The following LRRC4C variants were observed in gnomAD, a reference collection of about 807,000 sequenced individuals.
The protein encoded by LRRC4C is leucine rich repeat containing 4C, also known as leucine-rich repeat-containing protein 4C.
A neutral mutation model predicts 33.6 loss-of-function variants in LRRC4C; 5 were observed. The observed-to-expected ratio is 0.15, with a 90% CI of 0.08 to 0.31. The LOEUF (loss-of-function observed/expected upper bound fraction) is 0.31. LRRC4C is among the 10% of genes least tolerant of loss of function. The pLI is 1.00. For missense variants in LRRC4C, 560 were observed against 796.7 expected (o/e 0.70, Z 3.58); for synonymous variants, 329 against 302.0 (o/e 1.09, Z -0.93).
intron 2 of LRRC4C, among the ~76,000 whole-genome samples, chr11:40,750,394 A>G (rs1041431252): frequency 2.6e-5 from 4 of 152,110 alleles, no homozygotes; most frequent in Admixed American, 6.6e-5. Context: ...AGACAAGGAC[A>G]CAAAAGAAAA....
chr11:40,295,745 G>A (rs1030706118), intron 4 of LRRC4C, among the ~76,000 whole-genome samples: 2 of 152,114 alleles, frequency 1.3e-5, no homozygotes, highest in African/African-American at 4.8e-5. Flanking sequence ...TTTTTGGAGA[G>A]CTTTGATGTT....
chr11:40,256,553 T>C lies in LRRC4C; in HGVS notation c.-175-14955A>G, dbSNP rs981375827. On this transcript the variant is annotated intron_variant, in intron 4 of 6. Coordinates refer to ENST00000528697, the MANE Select transcript of LRRC4C (RefSeq NM_001258419.2). ...AGACACTCTTAAGTAATTCCACTTG[T>C]ATAAGTGAATGAATGAATGAACCAA... Among the ~76,000 whole-genome samples the C allele has an allele frequency of 2.0e-4, 30 of 152,156 alleles. 1 individual carries two copies. Among genetic ancestry groups the C allele is most frequent in the Non-Finnish European group, 2.1e-4 (14 of 68,030 alleles).
chr11:40,912,278 G>C (rs753886105), intron 2 of LRRC4C, among the ~76,000 whole-genome samples: 2 of 152,140 alleles, frequency 1.3e-5, no homozygotes, highest in South Asian at 2.1e-4. Flanking sequence ...AGGAAAAAAT[G>C]TTAAGGGCAG....
rs566031116 is a variant in LRRC4C at position 40,228,201 on chromosome 11, C to T, written c.-96+13318G>A. Among the ~76,000 whole-genome samples the T allele has an allele frequency of 4.6e-4, 70 of 152,244 alleles. 1 individual carries two copies. The highest frequency in any genetic ancestry group is 2.9e-3 in the South Asian group (14 of 4,822). On this transcript the variant is annotated intron_variant, in intron 5 of 6. Transcript: ENST00000528697. Reference sequence around the variant, plus strand: ...ATTAGCTAGCAGAGAGTTACAGTTACGTAACCCTCAACTAAGCAATGTCAG... The same window carrying T: ...ATTAGCTAGCAGAGAGTTACAGTTATGTAACCCTCAACTAAGCAATGTCAG...
chr11:40,169,616 G>A (rs1287394136), intron 5 of LRRC4C, among the ~76,000 whole-genome samples: 3 of 152,024 alleles, frequency 2.0e-5, no homozygotes, highest in African/African-American at 7.3e-5. Flanking sequence ...TGCTCAAAAT[G>A]CTATGTTTAT....
At chr11:40,336,685 G>A (rs1393099422) in intron 3 of LRRC4C, among the ~76,000 whole-genome samples, 1 of 152,072 alleles carries the variant, frequency 6.6e-6, no homozygotes, top group Non-Finnish European at 1.5e-5. Context: ...ATGCAGAAGA[G>A]CGAATCAGGG....
intron 1 of LRRC4C, among the ~76,000 whole-genome samples, chr11:41,000,834 A>G (rs1409212146): frequency 6.6e-6 from 1 of 152,192 alleles, no homozygotes; most frequent in African/African-American, 2.4e-5. Flanking sequence ...CTTTTGGCAG[A>G]GAGAAGATAA....
intron 5 of LRRC4C, among the ~76,000 whole-genome samples, chr11:40,208,865 C>T (rs529737336): frequency 1.4e-4 from 21 of 152,014 alleles, no homozygotes; most frequent in South Asian, 6.2e-4. Flanking sequence ...GACTTCAACT[C>T]GGTAGTTTAA....
intron 1 of LRRC4C, among the ~76,000 whole-genome samples, chr11:41,362,316 A>T (rs1328765075): frequency 2.0e-5 from 3 of 152,012 alleles, no homozygotes; most frequent in Non-Finnish European, 2.9e-5. Context: ...TCAGTGGGGG[A>T]TGGGGCTTGT....
intron 2 of LRRC4C, among the ~76,000 whole-genome samples, chr11:40,797,388 T>A (rs1262443846): frequency 1.3e-5 from 2 of 152,114 alleles, no homozygotes; most frequent in East Asian, 1.9e-4. Context: ...CCTGGACAGA[T>A]CTTGGGACAT....
At chr11:41,203,051 G>C (rs1231715089) in intron 1 of LRRC4C, among the ~76,000 whole-genome samples, 1 of 152,200 alleles carries the variant, frequency 6.6e-6, no homozygotes, top group Non-Finnish European at 1.5e-5. Flanking sequence ...CTCCCAAGGT[G>C]CTGGGATAAC....
At chr11:40,523,875 T>C (rs1955929095) in intron 3 of LRRC4C, among the ~76,000 whole-genome samples, 1 of 152,182 alleles carries the variant, frequency 6.6e-6, no homozygotes, top group African/African-American at 2.4e-5. Flanking sequence ...GCATTCAGTC[T>C]CTCTCAGACT....
intron 2 of LRRC4C, among the ~76,000 whole-genome samples, chr11:40,931,778 A>G (rs1470554017): frequency 1.3e-5 from 2 of 152,114 alleles, no homozygotes; most frequent in African/African-American, 4.8e-5. Flanking sequence ...ATAAAGTTTT[A>G]GAATTCTTCC....
intron 1 of LRRC4C, among the ~76,000 whole-genome samples, chr11:41,107,806 T>A (rs961162542): frequency 6.6e-6 from 1 of 151,952 alleles, no homozygotes; most frequent in African/African-American, 2.4e-5. Flanking sequence ...TGTGTGTTGA[T>A]GGCACCTGTA....
At chr11:40,178,208 A>G (rs1253014890) in intron 5 of LRRC4C, among the ~76,000 whole-genome samples, 1 of 152,224 alleles carries the variant, frequency 6.6e-6, no homozygotes. Context: ...GCGAGCTTCC[A>G]AAGAGTCTGG....
At chr11:40,421,639 G>A (rs986810922) in intron 3 of LRRC4C, among the ~76,000 whole-genome samples, 3 of 152,092 alleles carry the variant, frequency 2.0e-5, no homozygotes. Context: ...CCCACTCATC[G>A]ACCCACAACT....
chr11:41,135,660 CA>C (rs1943224380), intron 1 of LRRC4C, among the ~76,000 whole-genome samples: 1 of 151,994 alleles, frequency 6.6e-6, no homozygotes, highest in East Asian at 1.9e-4. Context: ...TAAGATTACC[CA>C]ATAAACCCTT....
chr11:40,704,860 C>A (rs959036924), intron 2 of LRRC4C, among the ~76,000 whole-genome samples: 20 of 152,008 alleles, frequency 1.3e-4, no homozygotes, highest in Non-Finnish European at 4.4e-5. Flanking sequence ...TGAAATGTAT[C>A]AATTCTTTCT....
At chr11:40,523,392 TTTG>T (rs1475857819) in intron 3 of LRRC4C, among the ~76,000 whole-genome samples, 2 of 151,694 alleles carry the variant, frequency 1.3e-5, no homozygotes, top group Non-Finnish European at 2.9e-5. Flanking sequence ...TGTTTTTGTT[TTTG>T]TTGTTTTAAT....
Sources: allele counts gnomAD v4.1 joint callset (sites outside exome capture counted in the v4.1 genomes callset), GRCh38; gene constraint gnomAD v4.1.1; transcripts MANE v1.5; gene names NCBI Gene and HGNC (gene_info 2026-07-23, HGNC 2026-07-21).